The following ARHGAP17 variants were observed in gnomAD, a reference collection of about 807,000 sequenced individuals.
The protein encoded by ARHGAP17 is rho GTPase-activating protein 17.
ARHGAP17 carries 57 observed loss-of-function variants against 99.5 expected under a neutral mutation model. That is an observed-to-expected ratio of 0.57 (90% confidence interval 0.46 to 0.71). The LOEUF (loss-of-function observed/expected upper bound fraction) is 0.71, where lower values mean the gene tolerates loss of function less well. Ranked by LOEUF, ARHGAP17 falls within the 30% of genes least tolerant of loss-of-function variation. The pLI, the probability that ARHGAP17 is intolerant of heterozygous loss-of-function variation, is 0.00. For missense variants in ARHGAP17, 1,000 were observed against 1,122.4 expected (o/e 0.89, Z 1.56); for synonymous variants, 417 against 429.6 (o/e 0.97, Z 0.36).
chr16:24,927,563 C>G (rs2050873833), intron 19 of ARHGAP17: 1 of 257,518 alleles, frequency 3.9e-6, no homozygotes, highest in African/African-American at 2.2e-5. Flanking sequence ...TCAGTGCATG[C>G]ACTATTAGTA....
At chr16:25,009,096 T>C (rs978307254) in intron 1 of ARHGAP17, among the ~76,000 whole-genome samples, 16 of 152,206 alleles carry the variant, frequency 1.1e-4, no homozygotes, top group African/African-American at 3.9e-4. Flanking sequence ...GCAGGCGTGG[T>C]GGCTCACGCC....
chr16:24,981,501 G>A (rs918980118), intron 1 of ARHGAP17, among the ~76,000 whole-genome samples: 16 of 152,106 alleles, frequency 1.1e-4, no homozygotes, highest in African/African-American at 3.6e-4. Context: ...AGAACAGAAA[G>A]TCAACAGACA....
intron 18 of ARHGAP17, among the ~76,000 whole-genome samples, chr16:24,932,583 T>C (rs181250509): frequency 3.9e-5 from 6 of 152,216 alleles, no homozygotes; most frequent in Admixed American, 1.3e-4. Context: ...TTGGTCTTAA[T>C]AACAGAATTT....
chr16:24,974,971 C>T (rs1315351082), intron 3 of ARHGAP17, among the ~76,000 whole-genome samples: 1 of 152,040 alleles, frequency 6.6e-6, no homozygotes, highest in Non-Finnish European at 1.5e-5. Context: ...ACAGATGAGA[C>T]CTCATCTCTA....
intron 1 of ARHGAP17, among the ~76,000 whole-genome samples, chr16:25,014,169 A>G (rs958281164): frequency 6.6e-6 from 1 of 152,228 alleles, no homozygotes; most frequent in Non-Finnish European, 1.5e-5. Flanking sequence ...AAAAAAAAGA[A>G]GTGTCCCACG....
At chr16:24,933,806 G>A (rs74603567) in intron 18 of ARHGAP17, among the ~76,000 whole-genome samples, 2 of 152,004 alleles carry the variant, frequency 1.3e-5, no homozygotes, top group East Asian at 1.9e-4. Flanking sequence ...GGCGCAGGGG[G>A]TGGGGAAGGA....
intron 7 of ARHGAP17, among the ~76,000 whole-genome samples, chr16:24,960,314 A>G (rs2344756): frequency 6.6e-6 from 1 of 152,066 alleles, no homozygotes; most frequent in Non-Finnish European, 1.5e-5. Flanking sequence ...GGAGGCTGAG[A>G]TGGGCAGATT....
intron 16 of ARHGAP17, chr16:24,939,983 A>AT: frequency 3.9e-6 from 1 of 253,962 alleles, no homozygotes; most frequent in Non-Finnish European, 7.7e-6. Flanking sequence ...CAGTGGAGCA[A>AT]TCATAGCTCA....
chr16:24,994,456 G>A (rs1433419510), intron 1 of ARHGAP17, among the ~76,000 whole-genome samples: 2 of 152,106 alleles, frequency 1.3e-5, no homozygotes, highest in African/African-American at 2.4e-5. Context: ...TCCCTTCCAT[G>A]AGCCATCATG....
intron 10 of ARHGAP17, among the ~76,000 whole-genome samples, chr16:24,953,608 A>T (rs2051711752): frequency 6.6e-6 from 1 of 152,100 alleles, no homozygotes; most frequent in South Asian, 2.1e-4. Context: ...CCATGACTGT[A>T]AGTTTCCTGA....
At chr16:24,920,312 G>T in intron 19 of ARHGAP17, 52 bp from the exon 20 acceptor site, 1 of 1,604,356 alleles carries the variant, frequency 6.2e-7, no homozygotes. Flanking sequence ...ACCCCCGAGA[G>T]GCCACCTGAG....
intron 1 of ARHGAP17, among the ~76,000 whole-genome samples, chr16:24,982,998 T>TATA (rs59011851): frequency 1.8e-3 from 50 of 27,462 alleles, no homozygotes; most frequent in South Asian, 2.1e-3. Flanking sequence ...ATATATATAT[T>TATA]TTTTTTTTTT....
chr16:24,921,177 A>G (rs1351277819), intron 19 of ARHGAP17, among the ~76,000 whole-genome samples: 2 of 152,188 alleles, frequency 1.3e-5, no homozygotes, highest in Non-Finnish European at 2.9e-5. Context: ...CAAGACAGGC[A>G]CAGCCTCAAT....
At chr16:25,006,461 A>G (rs552509937) in intron 1 of ARHGAP17, among the ~76,000 whole-genome samples, 5 of 151,956 alleles carry the variant, frequency 3.3e-5, no homozygotes, top group Non-Finnish European at 4.4e-5. Context: ...AAAAAAAAAA[A>G]AAAAAGAAAA....
chr16:24,979,048 G>T, intron 1 of ARHGAP17, 43 bp from the exon 2 acceptor site: 1 of 1,351,750 alleles, frequency 7.4e-7, no homozygotes, highest in South Asian at 1.3e-5. Flanking sequence ...ATCCAAAAAT[G>T]AAAGGCAACT....
intron 1 of ARHGAP17, among the ~76,000 whole-genome samples, chr16:25,000,704 A>C (rs2053338101): frequency 6.6e-6 from 1 of 152,216 alleles, no homozygotes; most frequent in Admixed American, 6.5e-5. Context: ...TTTAGAAGTG[A>C]CATTAGCATA....
intron 2 of ARHGAP17, among the ~76,000 whole-genome samples, 169 bp downstream of exon 2, chr16:24,978,797 T>A (rs2052590339): frequency 7.4e-6 from 1 of 134,338 alleles, no homozygotes; most frequent in Non-Finnish European, 1.6e-5. Context: ...CCCCTTTTCA[T>A]CATCATGCAA....
chr16:24,931,441 C>T, intron 18 of ARHGAP17, 37 bp from the exon 19 acceptor site: 2 of 1,488,374 alleles, frequency 1.3e-6, no homozygotes, highest in Non-Finnish European at 1.8e-6. Context: ...TCAGTAGGAA[C>T]AGTGAGGCAG....
rs544652554 is a variant in ARHGAP17, at chr16:24,995,737, G to A, written c.54-16732C>T. On this transcript the variant is annotated intron_variant, in intron 1 of 19. Coordinates refer to ENST00000289968, the MANE Select transcript of ARHGAP17 (RefSeq NM_001006634.3). ...GGAAAACACGGAAAGGAACTCTGCC[G>A]GACTCTGGGCCTTCAAATGAGTACC... Among the ~76,000 whole-genome samples, 29 of 152,136 alleles carry A rather than the reference G, an allele frequency of 1.9e-4. No individual in the cohort carries two copies. The South Asian group carries it at 3.7e-3, about 20-fold the overall frequency.
Sources: allele counts gnomAD v4.1 joint callset (sites outside exome capture counted in the v4.1 genomes callset), GRCh38; gene constraint gnomAD v4.1.1; transcripts MANE v1.5; gene names NCBI Gene and HGNC (gene_info 2026-07-23, HGNC 2026-07-21).